The following CACNB4 variants were observed in gnomAD, a reference collection of about 807,000 sequenced individuals.
The protein encoded by CACNB4 is calcium voltage-gated channel auxiliary subunit beta 4.
CACNB4 carries 32 observed loss-of-function variants against 71.2 expected under a neutral mutation model. The observed-to-expected ratio is 0.45, with a 90% CI of 0.34 to 0.60. The LOEUF (loss-of-function observed/expected upper bound fraction) is 0.60. CACNB4 is among the 20% of genes least tolerant of loss of function. CACNB4 has a pLI of 0.01. For synonymous variants in CACNB4, 231 were observed against 236.9 expected (o/e 0.97, Z 0.23); for missense variants, 464 against 647.9 (o/e 0.72, Z 3.08).
intron 2 of CACNB4, among the ~76,000 whole-genome samples, chr2:152,027,697 C>T (rs932922716): frequency 1.1e-4 from 16 of 152,062 alleles, no homozygotes; most frequent in Admixed American, 9.2e-4. Context: ...ACTAAAAATA[C>T]AAAAATTACC....
chr2:151,937,493 A>G (rs2099863202), intron 2 of CACNB4, among the ~76,000 whole-genome samples: 1 of 152,188 alleles, frequency 6.6e-6, no homozygotes, highest in African/African-American at 2.4e-5. Context: ...AGCCCTTCTC[A>G]GTTTATTTAT....
intron 2 of CACNB4, among the ~76,000 whole-genome samples, chr2:151,932,762 G>A (rs985428959): frequency 2.6e-5 from 4 of 150,944 alleles, no homozygotes; most frequent in East Asian, 3.9e-4. Context: ...CCTGGGAGGC[G>A]GAGGTTGCAG....
intron 2 of CACNB4, among the ~76,000 whole-genome samples, chr2:151,930,540 T>C (rs982967158): frequency 1.1e-4 from 16 of 152,130 alleles, no homozygotes; most frequent in Non-Finnish European, 1.3e-4. Context: ...ATCTGCAATA[T>C]TGGTTGTAAT....
At chr2:152,090,687 A>T (rs1389765187) in intron 2 of CACNB4, among the ~76,000 whole-genome samples, 1 of 152,012 alleles carries the variant, frequency 6.6e-6, no homozygotes, top group African/African-American at 2.4e-5. Flanking sequence ...TTGAATCAGA[A>T]CTTACCTAAG....
At chr2:151,914,228 A>G (rs112559380) in intron 2 of CACNB4, among the ~76,000 whole-genome samples, 5 of 151,992 alleles carry the variant, frequency 3.3e-5, no homozygotes, top group African/African-American at 1.2e-4. Context: ...GTGGTTTTCA[A>G]ATTCTGATAT....
At chr2:151,853,399 C>G in intron 12 of CACNB4, 49 bp downstream of exon 12, 4 of 1,086,750 alleles carry the variant, frequency 3.7e-6, no homozygotes, top group Non-Finnish European at 5.3e-6. Context: ...AAAACCCACC[C>G]TCTTCTAACT....
At chr2:151,843,047 G>A (rs2099836628) in intron 12 of CACNB4, among the ~76,000 whole-genome samples, 1 of 152,156 alleles carries the variant, frequency 6.6e-6, no homozygotes, top group Non-Finnish European at 1.5e-5. Flanking sequence ...AACAAGGGGT[G>A]TTTAGTTAGG....
intron 2 of CACNB4, among the ~76,000 whole-genome samples, chr2:151,974,815 C>CAA (rs35540920): frequency 0.21 from 29,122 of 135,656 alleles, 3,484 homozygotes; most frequent in Middle Eastern, 0.32. Context: ...TCTGGTCAAC[C>CAA]AAAAAAAAAA....
intron 10 of CACNB4, chr2:151,857,294 G>A (rs2099840553): frequency 6.6e-6 from 1 of 152,046 alleles, no homozygotes; most frequent in South Asian, 2.1e-4. Context: ...GTATTAAAAA[G>A]GATTAATTTG....
chr2:151,925,248 C>A (rs1319555556), intron 2 of CACNB4, among the ~76,000 whole-genome samples: 1 of 152,188 alleles, frequency 6.6e-6, no homozygotes, highest in Non-Finnish European at 1.5e-5. Flanking sequence ...AGAGAATGAG[C>A]AGTAGAAGAA....
At chr2:151,968,096 A>G (rs1253897161) in intron 2 of CACNB4, 1 of 152,228 alleles carries the variant, frequency 6.6e-6, no homozygotes, top group Non-Finnish European at 1.5e-5. Flanking sequence ...TCAAAGTCTT[A>G]AAAAGCTCAA....
At chr2:151,974,238 A>G (rs2099873365) in intron 2 of CACNB4, among the ~76,000 whole-genome samples, 1 of 152,246 alleles carries the variant, frequency 6.6e-6, no homozygotes, top group African/African-American at 2.4e-5. Context: ...AGAAGGGAGC[A>G]AAGGAAAGAT....
chr2:152,004,939 T>G (rs184340124), intron 2 of CACNB4, among the ~76,000 whole-genome samples: 73 of 152,274 alleles, frequency 4.8e-4, no homozygotes, highest in Non-Finnish European at 2.2e-4. Flanking sequence ...CTATTTAAAT[T>G]ACTCTTGGAT....
chr2:152,058,165 T>C (rs765945824), intron 2 of CACNB4, among the ~76,000 whole-genome samples: 131 of 152,314 alleles, frequency 8.6e-4, no homozygotes, highest in Non-Finnish European at 1.2e-3. Flanking sequence ...TCCTCAGCCA[T>C]GCAGAACTGT....
intron 2 of CACNB4, among the ~76,000 whole-genome samples, chr2:151,999,497 G>A (rs764225866): frequency 1.6e-4 from 24 of 151,628 alleles, no homozygotes; most frequent in Admixed American, 7.9e-4. Context: ...TTTTTAAAAT[G>A]CACAACAACA....
chr2:152,013,679 A>G (rs1257221953), intron 2 of CACNB4, among the ~76,000 whole-genome samples: 1 of 152,118 alleles, frequency 6.6e-6, no homozygotes, highest in Non-Finnish European at 1.5e-5. Context: ...TCCTCTTTGA[A>G]CCTCTTCATG....
chr2:151,920,098 G>T (rs939924375), intron 2 of CACNB4, among the ~76,000 whole-genome samples: 5 of 151,904 alleles, frequency 3.3e-5, no homozygotes, highest in Admixed American at 6.6e-5. Flanking sequence ...CACCAATTTA[G>T]AAATTATTAG....
chr2:151,990,750 C>A (rs1681662746), intron 2 of CACNB4, among the ~76,000 whole-genome samples: 1 of 152,152 alleles, frequency 6.6e-6, no homozygotes, highest in Admixed American at 6.5e-5. Flanking sequence ...AGTGAGCAAA[C>A]AGGACAAGGA....
rs1230802678 is a variant in CACNB4 at position 152,031,256 on chromosome 2, C to T, written c.147+67074G>A. Among the ~76,000 whole-genome samples, 3 of 152,178 alleles carry T rather than the reference C, an allele frequency of 2.0e-5. No individual in the cohort carries two copies. In the East Asian group the frequency reaches 5.8e-4, roughly 29 times the overall value. On this transcript the variant is annotated intron_variant, in intron 2 of 13. Transcript: ENST00000539935. ...GTTGGTCACCCCACAAAGGACACTTCACAAATTATTAAATCTGAACAAGTA... is the reference window on the plus strand; with the variant it reads ...GTTGGTCACCCCACAAAGGACACTTTACAAATTATTAAATCTGAACAAGTA...
Sources: gnomAD v4.1 joint callset for allele counts (sites outside exome capture counted in the v4.1 genomes callset) on GRCh38, gnomAD v4.1.1 for gene constraint, MANE v1.5 for transcripts, NCBI Gene and HGNC (gene_info 2026-07-23, HGNC 2026-07-21) for gene names.